The following FGF1 variants were observed in gnomAD, a reference collection of about 807,000 sequenced individuals.
FGF1 encodes the protein fibroblast growth factor 1, also known as beta-endothelial cell growth factor.
A neutral mutation model predicts 13.4 loss-of-function variants in FGF1; 9 were observed. The observed-to-expected ratio is 0.67, with a 90% CI of 0.40 to 1.17. FGF1 has a LOEUF of 1.17. Ranked by LOEUF, FGF1 falls within the 50% of genes most tolerant of loss-of-function variation. The pLI is 0.01. For missense variants in FGF1, 156 were observed against 192.7 expected (o/e 0.81, Z 1.13); for synonymous variants, 93 against 79.0 (o/e 1.18, Z -0.94).
At chr5:142,657,672 C>CT (rs1768416206) in intron 1 of FGF1, among the ~76,000 whole-genome samples, 3 of 152,246 alleles carry the variant, frequency 2.0e-5, no homozygotes, top group African/African-American at 7.2e-5. Context: ...CTGCTGGCTG[C>CT]GGCTGCGGCC....
intron 1 of FGF1, among the ~76,000 whole-genome samples, chr5:142,622,945 C>T (rs2151904978): frequency 6.6e-6 from 1 of 152,314 alleles, no homozygotes; most frequent in South Asian, 2.1e-4. Flanking sequence ...ATGGGATGGA[C>T]TTGACAATGG....
At chr5:142,620,428 AT>A (rs1430143370) in intron 1 of FGF1, among the ~76,000 whole-genome samples, 1 of 152,158 alleles carries the variant, frequency 6.6e-6, no homozygotes, top group Non-Finnish European at 1.5e-5. Flanking sequence ...AAAAAAAAAA[AT>A]TGAAAACTCG....
chr5:142,655,896 G>A (rs1168262801), intron 1 of FGF1, among the ~76,000 whole-genome samples: 2 of 152,202 alleles, frequency 1.3e-5, no homozygotes, highest in African/African-American at 4.8e-5. Flanking sequence ...TGCTGGCCGC[G>A]CTGGTGAGAT....
chr5:142,634,204 A>C (rs1763881739), intron 1 of FGF1, among the ~76,000 whole-genome samples: 1 of 151,844 alleles, frequency 6.6e-6, no homozygotes, highest in African/African-American at 2.4e-5. Flanking sequence ...AGAAAAAAAA[A>C]AAAAAAAAAC....
At chr5:142,696,137 C>A (rs1753077224) in intron 2 of FGF1, among the ~76,000 whole-genome samples, 1 of 152,188 alleles carries the variant, frequency 6.6e-6, no homozygotes, top group South Asian at 2.1e-4. Flanking sequence ...TCTCAAGGAT[C>A]TCTAGGAATA....
chr5:142,658,855 A>G (rs75691052), intron 1 of FGF1, among the ~76,000 whole-genome samples: 2,546 of 152,236 alleles, frequency 0.017, 79 homozygotes, highest in African/African-American at 0.056. Context: ...TGCCGTGATC[A>G]TGAACTCTTC....
intron 1 of FGF1, among the ~76,000 whole-genome samples, chr5:142,672,360 T>A (rs1049292464): frequency 2.0e-5 from 3 of 152,154 alleles, no homozygotes; most frequent in Non-Finnish European, 2.9e-5. Context: ...AACAAATAGA[T>A]GTTGAGCATC....
chr5:142,610,677 A>G (rs993275575), intron 2 of FGF1, among the ~76,000 whole-genome samples: 2 of 152,128 alleles, frequency 1.3e-5, no homozygotes, highest in South Asian at 2.1e-4. Context: ...AGCGTAACCA[A>G]TGTTCACAGT....
chr5:142,612,295 A>G (rs1424897854), intron 2 of FGF1, among the ~76,000 whole-genome samples: 1 of 152,218 alleles, frequency 6.6e-6, no homozygotes, highest in Non-Finnish European at 1.5e-5. Context: ...GCCATTTTCC[A>G]TTGCTACAGA....
chr5:142,650,974 A>G (rs868647829), intron 1 of FGF1, among the ~76,000 whole-genome samples: 6 of 152,172 alleles, frequency 3.9e-5, no homozygotes, highest in Admixed American at 2.6e-4. Context: ...CCTAGCGTGC[A>G]CACAGCCCAA....
At chr5:142,614,326 GT>G (rs748999834) in intron 1 of FGF1, among the ~76,000 whole-genome samples, 165 bp from the exon 2 acceptor site, 33 of 152,212 alleles carry the variant, frequency 2.2e-4, no homozygotes, top group Non-Finnish European at 4.1e-4. Flanking sequence ...GTGGCTGGTG[GT>G]TAAGGAAGGA....
intron 1 of FGF1, among the ~76,000 whole-genome samples, chr5:142,661,065 C>G (rs1054040640): frequency 2.6e-5 from 4 of 152,252 alleles, no homozygotes; most frequent in African/African-American, 9.6e-5. Context: ...CACCATTCCT[C>G]TTGCAGGCTT....
intron 1 of FGF1, among the ~76,000 whole-genome samples, chr5:142,629,803 C>A (rs2151922498): frequency 6.7e-6 from 1 of 148,778 alleles, no homozygotes; most frequent in African/African-American, 2.4e-5. Context: ...TTTTGTTAAT[C>A]ACAGATATTT....
chr5:142,639,588 T>C (rs1764823262), intron 1 of FGF1, among the ~76,000 whole-genome samples: 1 of 151,860 alleles, frequency 6.6e-6, no homozygotes, highest in Non-Finnish European at 1.5e-5. Context: ...GGAAATGAGA[T>C]GTTGGTTAAA....
intron 1 of FGF1, among the ~76,000 whole-genome samples, chr5:142,671,564 C>T (rs1288024571): frequency 6.6e-6 from 1 of 152,200 alleles, no homozygotes; most frequent in African/African-American, 2.4e-5. Context: ...AGAAAAAGAG[C>T]TAATTGTCTT....
At chr5:142,696,935 T>C (rs1262982918) in intron 2 of FGF1, among the ~76,000 whole-genome samples, 1 of 152,200 alleles carries the variant, frequency 6.6e-6, no homozygotes, top group Non-Finnish European at 1.5e-5. Flanking sequence ...CGTCTATCCA[T>C]ATCCCTAAAT....
At chr5:142,603,117 C>A (rs1597056374) in intron 2 of FGF1, among the ~76,000 whole-genome samples, 2 of 152,288 alleles carry the variant, frequency 1.3e-5, no homozygotes, top group East Asian at 3.9e-4. Flanking sequence ...AGGGAACAGG[C>A]CTATGGGCCT....
chr5:142,598,366 A>G (rs868636758), intron 3 of FGF1, among the ~76,000 whole-genome samples: 1 of 152,230 alleles, frequency 6.6e-6, no homozygotes, highest in African/African-American at 2.4e-5. Flanking sequence ...GTTAGCACTC[A>G]TTATGCACTT....
rs200479794 is a variant in FGF1 at position 142,623,108 on chromosome 5, C to CT, written c.-34-8948dup. ...AAATGCCAGGGCTTTTAAAATTCTC[C>CT]TTTTTTTTCCCCTCTGATAGCTGGT... On this transcript the variant is annotated intron_variant, in intron 1 of 3. Transcript: ENST00000337706. 3.1e-3 allele frequency among the ~76,000 whole-genome samples: 466 copies of CT among 152,210 alleles called. 6 individuals carry two copies. The highest frequency in any genetic ancestry group is 0.011 in the African/African-American group (442 of 41,516).
Sources: allele counts gnomAD v4.1 joint callset (sites outside exome capture counted in the v4.1 genomes callset), GRCh38; gene constraint gnomAD v4.1.1; transcripts MANE v1.5; gene names NCBI Gene and HGNC (gene_info 2026-07-23, HGNC 2026-07-21).